Variants in KLF12 observed in about 807,000 individuals in gnomAD.
KLF12 encodes KLF transcription factor 12.
Under a neutral mutation model 37.8 loss-of-function variants are expected in KLF12, and 9 were observed. The observed-to-expected ratio is 0.24, with a 90% CI of 0.14 to 0.42. KLF12 has a LOEUF of 0.42. Ranked by LOEUF, KLF12 falls within the 10% of genes least tolerant of loss-of-function variation. KLF12 has a pLI of 1.00. For synonymous variants in KLF12, 208 were observed against 202.1 expected (o/e 1.03, Z -0.25); for missense variants, 411 against 516.0 (o/e 0.80, Z 1.97).
chr13:73,761,402 G>T (rs952534416), intron 6 of KLF12, among the ~76,000 whole-genome samples: 3 of 152,194 alleles, frequency 2.0e-5, no homozygotes, highest in Admixed American at 1.3e-4. Context: ...TACCAGGAAG[G>T]GCAAGGCAAT....
At chr13:73,979,793 C>T (rs193276251) in intron 2 of KLF12, among the ~76,000 whole-genome samples, 1 of 152,192 alleles carries the variant, frequency 6.6e-6, no homozygotes, top group African/African-American at 2.4e-5. Context: ...AAGTCCTAAC[C>T]TGTAGAGCCT....
chr13:73,952,370 G>A (rs1035903856), intron 2 of KLF12, among the ~76,000 whole-genome samples: 5 of 152,164 alleles, frequency 3.3e-5, no homozygotes, highest in African/African-American at 1.2e-4. Flanking sequence ...TGGAGCAGAG[G>A]AAGAGAGCGA....
At chr13:74,157,722 G>A in the KLF12 span, among the ~76,000 whole-genome samples, 1 of 152,230 alleles carries the variant, frequency 6.6e-6, no homozygotes, top group Non-Finnish European at 1.5e-5. Context: ...AAGAGAGAAT[G>A]TTAACAGCCT....
chr13:74,037,454 A>G (rs1390969322), intron 1 of KLF12, among the ~76,000 whole-genome samples: 2 of 152,128 alleles, frequency 1.3e-5, no homozygotes, highest in Non-Finnish European at 2.9e-5. Flanking sequence ...TCAATTATGC[A>G]CAAGACATCC....
intron 3 of KLF12, among the ~76,000 whole-genome samples, chr13:73,936,921 G>A (rs1889959482): frequency 6.6e-6 from 1 of 152,190 alleles, no homozygotes; most frequent in South Asian, 2.1e-4. Flanking sequence ...GCCAGGCGCA[G>A]TGGCTCAGGC....
At chr13:73,860,927 TGATTTTTACAAGAA>T (rs1885893529) in intron 3 of KLF12, among the ~76,000 whole-genome samples, 1 of 152,220 alleles carries the variant, frequency 6.6e-6, no homozygotes, top group Non-Finnish European at 1.5e-5. Flanking sequence ...TATTACAAGA[TGATTTTTACAAGAA>T]GAGATGAAAG....
intron 6 of KLF12, among the ~76,000 whole-genome samples, chr13:73,750,927 T>C (rs993285163): frequency 1.3e-5 from 2 of 152,292 alleles, no homozygotes; most frequent in Admixed American, 6.5e-5. Flanking sequence ...GAAAGAGTTA[T>C]GTGATGCAAA....
At chr13:73,782,788 G>A (rs1170986866) in intron 5 of KLF12, among the ~76,000 whole-genome samples, 1 of 152,214 alleles carries the variant, frequency 6.6e-6, no homozygotes, top group Non-Finnish European at 1.5e-5. Flanking sequence ...TGTTGATTGT[G>A]TATCAGATGA....
the KLF12 span, among the ~76,000 whole-genome samples, chr13:74,143,625 G>A: frequency 6.6e-6 from 1 of 152,058 alleles, no homozygotes; most frequent in Non-Finnish European, 1.5e-5. Context: ...AGCACTCCTG[G>A]TTCTCCTTCC....
chr13:73,859,790 G>A (rs1298779862), intron 3 of KLF12, among the ~76,000 whole-genome samples: 5 of 151,202 alleles, frequency 3.3e-5, no homozygotes, highest in Non-Finnish European at 5.9e-5. Context: ...AAAGAAATGA[G>A]AAAAGACGGT....
chr13:74,216,090 A>G, the KLF12 span, among the ~76,000 whole-genome samples: 5 of 152,210 alleles, frequency 3.3e-5, no homozygotes, highest in Admixed American at 6.5e-5. Flanking sequence ...TGGGATTGCC[A>G]GGCAGGCTCC....
intron 6 of KLF12, among the ~76,000 whole-genome samples, chr13:73,734,012 G>A (rs911007351): frequency 3.9e-5 from 6 of 152,152 alleles, no homozygotes; most frequent in Non-Finnish European, 5.9e-5. Flanking sequence ...TCTGTTGAGC[G>A]TCCTCTGCTC....
chr13:74,260,433 A>G, the KLF12 span, among the ~76,000 whole-genome samples: 1 of 151,938 alleles, frequency 6.6e-6, no homozygotes, highest in Admixed American at 6.6e-5. Context: ...GTGCACCTGT[A>G]GTCCTAGCTA....
intron 6 of KLF12, among the ~76,000 whole-genome samples, chr13:73,748,668 T>C (rs985289368): frequency 6.6e-6 from 1 of 152,214 alleles, no homozygotes; most frequent in African/African-American, 2.4e-5. Context: ...AGCCACACAA[T>C]CTATGGTATT....
intron 1 of KLF12, among the ~76,000 whole-genome samples, chr13:74,073,857 T>C (rs574035942): frequency 3.9e-5 from 6 of 152,336 alleles, no homozygotes; most frequent in Admixed American, 2.0e-4. Context: ...CTAGTTATCA[T>C]TATGCATGGT....
Position 73,872,345 on chromosome 13 carries a change from A to T in KLF12, c.124-25972T>A, listed in dbSNP as rs527599297. Among the ~76,000 whole-genome samples the T allele has an allele frequency of 2.6e-5, 4 of 152,318 alleles. No homozygotes were observed. The East Asian group carries it at 7.7e-4, about 29-fold the overall frequency. On this transcript the variant is annotated intron_variant, in intron 3 of 7. Coordinates refer to ENST00000377669, the MANE Select transcript of KLF12 (RefSeq NM_007249.5). ...TTTCAATATGAATATATATTTTTAAAAGGAATGAAAAAAATCAAAACTATT... is the reference window on the plus strand; with the variant it reads ...TTTCAATATGAATATATATTTTTAATAGGAATGAAAAAAATCAAAACTATT...
intron 1 of KLF12, among the ~76,000 whole-genome samples, chr13:74,023,765 T>A (rs1294868442): frequency 2.0e-5 from 3 of 152,134 alleles, no homozygotes; most frequent in East Asian, 3.8e-4. Flanking sequence ...AAAAAGGACA[T>A]GAATTTTGTG....
At chr13:73,837,208 G>A (rs1393670642) in intron 4 of KLF12, among the ~76,000 whole-genome samples, 1 of 152,034 alleles carries the variant, frequency 6.6e-6, no homozygotes, top group Non-Finnish European at 1.5e-5. Context: ...TCATTTCTGG[G>A]CATTTTACAG....
intron 3 of KLF12, among the ~76,000 whole-genome samples, chr13:73,852,855 G>A (rs1885402687): frequency 6.6e-6 from 1 of 150,900 alleles, no homozygotes; most frequent in Non-Finnish European, 1.5e-5. Flanking sequence ...TGTACTCTCT[G>A]TGCTTTTACA....
Sources: gnomAD v4.1 joint callset for allele counts (sites outside exome capture counted in the v4.1 genomes callset) on GRCh38, gnomAD v4.1.1 for gene constraint, MANE v1.5 for transcripts, NCBI Gene and HGNC (gene_info 2026-07-23, HGNC 2026-07-21) for gene names.